The following AGBL1 variants were observed in gnomAD, a reference collection of about 807,000 sequenced individuals.
AGBL1 encodes the protein AGBL carboxypeptidase 1.
Under a neutral mutation model 118.9 loss-of-function variants are expected in AGBL1, and 130 were observed. The ratio of observed to expected loss-of-function variants is 1.09; its 90% CI spans 0.95 to 1.26. The LOEUF (loss-of-function observed/expected upper bound fraction) is 1.26. Among genes scored for constraint, AGBL1 ranks in the 50% most tolerant of loss-of-function variants. The probability of loss-of-function intolerance (pLI) is 0.00; values close to 1 mark genes in which losing one functional copy is unlikely to be tolerated. For missense variants in AGBL1, 1,584 were observed against 1,298.1 expected (o/e 1.22, Z -3.38); for synonymous variants, 555 against 478.9 (o/e 1.16, Z -2.08).
At chr15:86,998,904 G>A (rs573996920) in intron 24 of AGBL1, among the ~76,000 whole-genome samples, 7 of 151,196 alleles carry the variant, frequency 4.6e-5, no homozygotes, top group South Asian at 2.1e-4. Context: ...GGGTACATGT[G>A]CACAACATGC....
At chr15:86,390,458 A>T (rs532651677) in intron 17 of AGBL1, among the ~76,000 whole-genome samples, 1 of 152,056 alleles carries the variant, frequency 6.6e-6, no homozygotes, top group Non-Finnish European at 1.5e-5. Flanking sequence ...CTTTATTCAT[A>T]ATGGCCCTAA....
intron 22 of AGBL1, among the ~76,000 whole-genome samples, chr15:86,748,863 G>T (rs368110386): frequency 6.6e-5 from 10 of 151,900 alleles, no homozygotes; most frequent in Admixed American, 2.6e-4. Flanking sequence ...TGTTCCATTG[G>T]TCTATATCTC....
chr15:86,617,758 G>GCGCA (rs914974770), intron 21 of AGBL1, among the ~76,000 whole-genome samples: 5 of 82,294 alleles, frequency 6.1e-5, no homozygotes, highest in African/African-American at 2.4e-4. Context: ...TCAACTTTAT[G>GCGCA]CGCACACACA....
chr15:86,312,617 TG>T (rs1450856506), intron 17 of AGBL1, among the ~76,000 whole-genome samples: 1 of 152,176 alleles, frequency 6.6e-6, no homozygotes, highest in African/African-American at 2.4e-5. Context: ...GTGTCCTATG[TG>T]TATCTTCCCT....
intron 17 of AGBL1, among the ~76,000 whole-genome samples, chr15:86,380,818 T>A (rs1432545606): frequency 6.6e-6 from 1 of 152,246 alleles, no homozygotes; most frequent in African/African-American, 2.4e-5. Context: ...GAGCCACATC[T>A]CTTAATGGCT....
chr15:86,183,786 A>C (rs1234901115), intron 5 of AGBL1, among the ~76,000 whole-genome samples: 5 of 152,222 alleles, frequency 3.3e-5, no homozygotes, highest in Non-Finnish European at 5.9e-5. Context: ...TTCAGAGCTA[A>C]TACCAAAGTC....
intron 23 of AGBL1, among the ~76,000 whole-genome samples, chr15:86,965,076 G>C (rs1379001317): frequency 6.6e-6 from 1 of 152,120 alleles, no homozygotes; most frequent in African/African-American, 2.4e-5. Flanking sequence ...ATTGTGAACA[G>C]TGCTGCAATA....
intron 22 of AGBL1, among the ~76,000 whole-genome samples, chr15:86,833,797 G>C (rs939965193): frequency 4.6e-5 from 7 of 152,122 alleles, no homozygotes; most frequent in African/African-American, 1.7e-4. Flanking sequence ...TATGTCCCCA[G>C]TACTTAAGAT....
At chr15:86,544,618 T>A (rs1330806869) in intron 19 of AGBL1, among the ~76,000 whole-genome samples, 5 of 152,102 alleles carry the variant, frequency 3.3e-5, no homozygotes, top group Non-Finnish European at 7.4e-5. Context: ...GAATTCCCCT[T>A]TATAAAACCA....
At chr15:86,353,449 A>G (rs1447098646) in intron 17 of AGBL1, among the ~76,000 whole-genome samples, 1 of 152,230 alleles carries the variant, frequency 6.6e-6, no homozygotes, top group African/African-American at 2.4e-5. Flanking sequence ...TCCTAATGAA[A>G]GGAAAAGAGA....
intron 22 of AGBL1, among the ~76,000 whole-genome samples, chr15:86,894,930 A>G (rs2141565817): frequency 6.6e-6 from 1 of 152,312 alleles, no homozygotes; most frequent in East Asian, 1.9e-4. Context: ...GATCTGAACA[A>G]CTTTGTTCAA....
Position 86,216,991 on chromosome 15 carries a change from C to A in AGBL1, c.489-7923C>A, listed in dbSNP as rs530043258. On this transcript the variant is annotated intron_variant, in intron 5 of 22. Coordinates refer to ENST00000614907, the MANE Select transcript of AGBL1 (RefSeq NM_001386094.1). ...TCTCCTGATAATTGCATGACAACCA[C>A]TTCCTCTCCATATTTTTATTTATAT... Among the ~76,000 whole-genome samples the A allele has an allele frequency of 1.6e-4, 25 of 152,292 alleles. No individual in the cohort carries two copies. The South Asian group carries it at 5.2e-3, about 32-fold the overall frequency.
In AGBL1 at chr15:86,276,542, C is replaced by A. The variant is rs561956236; in HGVS notation, c.2076-3097C>A. On this transcript the variant is annotated intron_variant, in intron 15 of 22. Transcript: ENST00000614907. ...TATACAAACTTTAACTGAACAGCTGCTATGTCCAGGCAAGGTGGGAAGCAT... is the reference window on the plus strand; with the variant it reads ...TATACAAACTTTAACTGAACAGCTGATATGTCCAGGCAAGGTGGGAAGCAT... Among the ~76,000 whole-genome samples the A allele has an allele frequency of 6.6e-5, 10 of 152,270 alleles. No homozygotes were observed. In the South Asian group the frequency reaches 2.1e-3, roughly 32 times the overall value.
At chr15:86,968,001 T>C (rs2081071661) in intron 23 of AGBL1, among the ~76,000 whole-genome samples, 1 of 152,090 alleles carries the variant, frequency 6.6e-6, no homozygotes, top group Admixed American at 6.6e-5. Context: ...TTTGATTTCA[T>C]TGAGCAGTGG....
At chr15:86,433,585 A>G (rs1469558788) in intron 18 of AGBL1, among the ~76,000 whole-genome samples, 1 of 152,114 alleles carries the variant, frequency 6.6e-6, no homozygotes, top group Non-Finnish European at 1.5e-5. Flanking sequence ...GAAGTGTGTC[A>G]GGGTCTCTAC....
rs112131373 is a variant in AGBL1, at chr15:86,729,898, A to G, written c.3158+55462A>G. 3.0e-4 allele frequency among the ~76,000 whole-genome samples: 45 copies of G among 152,310 alleles called. 2 individuals are homozygous for G. Among genetic ancestry groups the G allele is most frequent in the African/African-American group, 1.1e-3 (44 of 41,570 alleles). On this transcript the variant is annotated intron_variant, in intron 22 of 22. Coordinates refer to ENST00000614907, the MANE Select transcript of AGBL1 (RefSeq NM_001386094.1). Reference sequence around the variant, plus strand: ...ATTTACATTCCCACCGGCAGTATATAAGCATTCTCTTTTCTCCACAACCTC... The same window carrying G: ...ATTTACATTCCCACCGGCAGTATATGAGCATTCTCTTTTCTCCACAACCTC...
intron 21 of AGBL1, among the ~76,000 whole-genome samples, chr15:86,662,282 T>G (rs1459190763): frequency 1.3e-5 from 2 of 152,256 alleles, no homozygotes; most frequent in Non-Finnish European, 2.9e-5. Flanking sequence ...AAAAATTCAC[T>G]TTTTTATGGG....
chr15:86,628,486 A>G (rs775409983), intron 21 of AGBL1, among the ~76,000 whole-genome samples: 50 of 152,108 alleles, frequency 3.3e-4, no homozygotes, highest in Admixed American at 2.0e-4. Flanking sequence ...TGTTTATTGA[A>G]CTAATTTTTT....
intron 24 of AGBL1, among the ~76,000 whole-genome samples, chr15:87,025,639 GA>G (rs886131087): frequency 2.6e-5 from 4 of 151,520 alleles, no homozygotes; most frequent in East Asian, 1.9e-4. Flanking sequence ...CACACAATTA[GA>G]AAAAAAATTC....
Sources: allele counts gnomAD v4.1 joint callset (sites outside exome capture counted in the v4.1 genomes callset), GRCh38; gene constraint gnomAD v4.1.1; transcripts MANE v1.5; gene names NCBI Gene and HGNC (gene_info 2026-07-23, HGNC 2026-07-21).